Variants in ZDHHC2 observed in about 807,000 individuals in gnomAD.
The protein encoded by ZDHHC2 is zDHHC palmitoyltransferase 2, also known as palmitoyltransferase ZDHHC2.
A neutral mutation model predicts 55.6 loss-of-function variants in ZDHHC2; 51 were observed. The observed-to-expected ratio is 0.92, with a 90% CI of 0.73 to 1.16. The LOEUF is 1.16. Ranked by LOEUF, ZDHHC2 falls within the 50% of genes most tolerant of loss-of-function variation. The pLI, the probability that ZDHHC2 is intolerant of heterozygous loss-of-function variation, is 0.00. For synonymous variants in ZDHHC2, 199 were observed against 152.9 expected, an observed-to-expected ratio of 1.30 and a Z score of -2.22; for missense variants, 491 against 442.4, an observed-to-expected ratio of 1.11 and a Z score of -0.99.
intron 12 of ZDHHC2, among the ~76,000 whole-genome samples, chr8:17,218,685 A>C (rs1807762563): frequency 6.6e-6 from 1 of 152,202 alleles, no homozygotes; most frequent in South Asian, 2.1e-4. Context: ...TAATTCAAAT[A>C]TGGCATGATT....
At position 17,183,582 on chromosome 8, in the gene ZDHHC2, C is replaced by G. The variant is rs150131243; in HGVS notation, c.131-1207C>G. 1.9e-3 allele frequency among the ~76,000 whole-genome samples: 296 copies of G among 152,262 alleles called. 1 individual carries two copies. Among genetic ancestry groups the G allele is most frequent in the African/African-American group, 6.7e-3 (278 of 41,550 alleles). ...TAGGAAGCATTTACAGATGCCACAT[C>G]TACGTTAGTAAGAGATCTGGAAACC... On this transcript the variant is annotated intron_variant, in intron 1 of 12. Transcript: ENST00000262096.
At chr8:17,210,268 A>G (rs1807310285) in intron 9 of ZDHHC2, 120 bp from the exon 10 acceptor site, 2 of 1,113,248 alleles carry the variant, frequency 1.8e-6, no homozygotes, top group Middle Eastern at 2.0e-4. Context: ...CTCAATGTCT[A>G]ATACACATTT....
chr8:17,170,467 A>G (rs1375256452), intron 1 of ZDHHC2, among the ~76,000 whole-genome samples: 5 of 152,190 alleles, frequency 3.3e-5, no homozygotes, highest in African/African-American at 9.7e-5. Context: ...GTTGTAAAGT[A>G]CTCATAAGTG....
chr8:17,199,637 T>TCCTTTCTTCTTCTTCTCCTC (rs1554466262), intron 6 of ZDHHC2, among the ~76,000 whole-genome samples: 1 of 98,434 alleles, frequency 1.0e-5, no homozygotes, highest in Admixed American at 9.4e-5. Flanking sequence ...TTCTTCTTCT[T>TCCTTTCTTCTTCTTCTCCTC]CTCCTCCTCC....
At chr8:17,188,895 C>T (rs1020506236) in intron 3 of ZDHHC2, among the ~76,000 whole-genome samples, 1 of 152,056 alleles carries the variant, frequency 6.6e-6, no homozygotes, top group Non-Finnish European at 1.5e-5. Flanking sequence ...CTGTTCAGGC[C>T]AGAAACATTG....
chr8:17,156,965 C>T (rs1804089355), intron 1 of ZDHHC2, 112 bp downstream of exon 1: 3 of 1,055,822 alleles, frequency 2.8e-6, no homozygotes, highest in African/African-American at 3.4e-5. Flanking sequence ...CCGGGCGCTG[C>T]CAACCTGCCG....
intron 1 of ZDHHC2, among the ~76,000 whole-genome samples, chr8:17,173,926 G>T (rs952248864): frequency 6.6e-6 from 1 of 151,980 alleles, no homozygotes; most frequent in African/African-American, 2.4e-5. Context: ...CTTATCCAAC[G>T]TGACTTGCTG....
intron 5 of ZDHHC2, among the ~76,000 whole-genome samples, chr8:17,197,919 C>T (rs1197625905): frequency 6.6e-6 from 1 of 152,140 alleles, no homozygotes; most frequent in Non-Finnish European, 1.5e-5. Flanking sequence ...TTAGGAAATA[C>T]TTCTATGAGT....
chr8:17,186,225 A>G (rs1805701222), intron 2 of ZDHHC2, 106 bp from the exon 3 acceptor site: 3 of 696,944 alleles, frequency 4.3e-6, no homozygotes, highest in Non-Finnish European at 7.1e-6. Flanking sequence ...ATAATGTATT[A>G]TAATTGGTAA....
At chr8:17,183,952 A>G (rs932962995) in intron 1 of ZDHHC2, among the ~76,000 whole-genome samples, 2 of 152,162 alleles carry the variant, frequency 1.3e-5, no homozygotes, top group Admixed American at 6.5e-5. Context: ...TTCAGAAGGC[A>G]GCGCATTTCA....
chr8:17,197,514 A>G (rs1001925112), intron 4 of ZDHHC2, 68 bp from the exon 5 acceptor site: 17 of 1,329,894 alleles, frequency 1.3e-5, no homozygotes, highest in Admixed American at 8.4e-5. Flanking sequence ...GAGAGATGAT[A>G]AAAGCCATTT....
chr8:17,158,024 CTTTTA>C (rs551439380), intron 1 of ZDHHC2, among the ~76,000 whole-genome samples: 7 of 152,008 alleles, frequency 4.6e-5, no homozygotes, highest in Non-Finnish European at 1.0e-4. Flanking sequence ...AGAACCGAGA[CTTTTA>C]TTTCATATAG....
chr8:17,198,436 C>T lies in ZDHHC2; in HGVS notation c.476+23C>T, dbSNP rs535730379. On this transcript the variant is annotated intron_variant, in intron 6 of 12. Coordinates refer to ENST00000262096, the MANE Select transcript of ZDHHC2 (RefSeq NM_016353.5). ...ATGGTGAGTTGGCTGTATATTTAAA[C>T]AAGTTTGTGTCCCTTGTAAATGTTA... 2.5e-6 allele frequency: 4 copies of T among 1,587,640 alleles called. No individual in the cohort carries two copies. The East Asian group carries it at 6.9e-5, about 27-fold the overall frequency.
intron 1 of ZDHHC2, among the ~76,000 whole-genome samples, chr8:17,173,484 T>C (rs1286141529): frequency 6.6e-6 from 1 of 151,908 alleles, no homozygotes; most frequent in Non-Finnish European, 1.5e-5. Context: ...AAGAACAGCC[T>C]GGACAACAAA....
intron 1 of ZDHHC2, among the ~76,000 whole-genome samples, chr8:17,177,019 T>A (rs937852700): frequency 1.3e-5 from 2 of 152,184 alleles, no homozygotes; most frequent in African/African-American, 4.8e-5. Flanking sequence ...GGGTGTCACT[T>A]TTGACCTCTA....
chr8:17,173,897 G>T (rs1804991454), intron 1 of ZDHHC2, among the ~76,000 whole-genome samples: 1 of 151,972 alleles, frequency 6.6e-6, no homozygotes. Context: ...AAGTTAAAAC[G>T]AAGTCACCAG....
intron 1 of ZDHHC2, among the ~76,000 whole-genome samples, chr8:17,163,628 A>T (rs1804463269): frequency 6.6e-6 from 1 of 152,142 alleles, no homozygotes; most frequent in East Asian, 1.9e-4. Context: ...CAGTTGTATC[A>T]TATCACCCAG....
At chr8:17,184,023 TAC>T (rs1805571908) in intron 1 of ZDHHC2, among the ~76,000 whole-genome samples, 1 of 152,098 alleles carries the variant, frequency 6.6e-6, no homozygotes, top group Admixed American at 6.6e-5. Flanking sequence ...GACAAAAATA[TAC>T]AAAGTCAGAC....
At chr8:17,162,055 G>A (rs988366967) in intron 1 of ZDHHC2, among the ~76,000 whole-genome samples, 12 of 152,036 alleles carry the variant, frequency 7.9e-5, no homozygotes, top group Admixed American at 3.3e-4. Context: ...CTCTTGATCC[G>A]TGCTCCCATT....
Sources: gnomAD v4.1 joint callset for allele counts (sites outside exome capture counted in the v4.1 genomes callset) on GRCh38, gnomAD v4.1.1 for gene constraint, MANE v1.5 for transcripts, NCBI Gene and HGNC (gene_info 2026-07-23, HGNC 2026-07-21) for gene names.